Variants in SCFD2 observed in about 807,000 individuals in gnomAD.
The protein encoded by SCFD2 is sec1 family domain-containing protein 2.
Under a neutral mutation model 58.9 loss-of-function variants are expected in SCFD2, and 54 were observed. The ratio of observed to expected loss-of-function variants is 0.92; its 90% CI spans 0.74 to 1.15. The LOEUF (loss-of-function observed/expected upper bound fraction) is 1.15. SCFD2 is among the 50% of genes most tolerant of loss of function. SCFD2 has a pLI of 0.00. For synonymous variants in SCFD2, 321 were observed against 335.9 expected, an observed-to-expected ratio of 0.96 and a Z score of 0.49; for missense variants, 805 against 836.6, an observed-to-expected ratio of 0.96 and a Z score of 0.47.
intron 4 of SCFD2, among the ~76,000 whole-genome samples, chr4:53,188,464 T>TGTG (rs1577820979): frequency 7.1e-6 from 1 of 141,060 alleles, no homozygotes; most frequent in African/African-American, 2.6e-5. Flanking sequence ...TGTGTGTGTG[T>TGTG]TTAGTGGCTT....
chr4:53,348,107 TG>T (rs1429578919), intron 2 of SCFD2, among the ~76,000 whole-genome samples: 1 of 152,250 alleles, frequency 6.6e-6, no homozygotes, highest in Non-Finnish European at 1.5e-5. Flanking sequence ...AGACAAGGAC[TG>T]GAAGGCCATG....
chr4:53,366,041 C>A lies in SCFD2; in HGVS notation c.-100G>T. ...CTCCGGGAGACTTTGACAGTCTCCACAGTACACGTGGTCGGCCTCTGACAC... is the reference window on the plus strand; with the variant it reads ...CTCCGGGAGACTTTGACAGTCTCCAAAGTACACGTGGTCGGCCTCTGACAC... On this transcript the variant is annotated 5_prime_UTR_variant, in exon 1 of 9. Coordinates refer to ENST00000401642, the MANE Select transcript of SCFD2 (RefSeq NM_152540.4). 5 of 1,376,554 alleles carry A rather than the reference C, an allele frequency of 3.6e-6. No homozygotes were observed. In the South Asian group the frequency reaches 5.6e-5, roughly 16 times the overall value. The allele number at this position is 1,376,554 out of a possible 1,614,324, so 85.3% of individuals were successfully genotyped here.
chr4:52,940,296 G>A (rs1348693822), intron 5 of SCFD2, among the ~76,000 whole-genome samples: 5 of 152,174 alleles, frequency 3.3e-5, no homozygotes, highest in African/African-American at 1.2e-4. Context: ...GGCTTGTTCC[G>A]ACTACACTCA....
At position 53,365,016 on chromosome 4, in the gene SCFD2, TA is replaced by T; in HGVS notation, c.838+87del. On this transcript the variant is annotated intron_variant, in intron 1 of 8. Transcript: ENST00000401642. The surrounding 1 kb of genome is among the most constrained non-coding windows in gnomAD (Gnocchi z 4.3). ...TTTGTATCCTCAATCTAATATATAA[TA>T]AAAGGTCAATAAAATATATGCTGAA... 6.9e-7 allele frequency: 1 copy of T among 1,449,452 alleles called. No individual in the cohort carries two copies. The highest frequency in any genetic ancestry group is 2.3e-5 in the East Asian group (1 of 43,974). The allele number at this position is 1,449,452 out of a possible 1,614,324, so 89.8% of individuals were successfully genotyped here. A position where few individuals can be genotyped will look rare whatever the true frequency, so the allele number is the denominator to read the frequency against.
chr4:53,140,515 T>C (rs1726102956), intron 5 of SCFD2, among the ~76,000 whole-genome samples: 1 of 151,382 alleles, frequency 6.6e-6, no homozygotes, highest in African/African-American at 2.4e-5. Context: ...TAGATTTCAA[T>C]GGCTTGAAGT....
intron 5 of SCFD2, among the ~76,000 whole-genome samples, chr4:53,063,932 T>C (rs146951446): frequency 5.9e-4 from 90 of 152,204 alleles, no homozygotes; most frequent in African/African-American, 2.1e-3. Context: ...GGATTTACTA[T>C]CATTTGTAGC....
At chr4:53,229,468 G>A (rs998638488) in intron 4 of SCFD2, among the ~76,000 whole-genome samples, 5 of 152,020 alleles carry the variant, frequency 3.3e-5, no homozygotes, top group African/African-American at 4.8e-5. Context: ...ATAATGCCAT[G>A]TATCTACAAC....
chr4:52,920,140 T>G (rs1418903597), intron 6 of SCFD2, among the ~76,000 whole-genome samples: 2 of 152,184 alleles, frequency 1.3e-5, no homozygotes, highest in Non-Finnish European at 2.9e-5. Context: ...TTCTATGTAC[T>G]TTCCCCCTCT....
chr4:53,044,916 C>CCCCCCCCCCCCCCGCCA (rs59844812), intron 5 of SCFD2, among the ~76,000 whole-genome samples: 1 of 110,288 alleles, frequency 9.1e-6, no homozygotes, highest in African/African-American at 5.9e-5. Context: ...ACCCCCCCCC[C>CCCCCCCCCCCCCCGCCA]CCGCCCACAA....
At chr4:53,064,625 G>C (rs1723606132) in intron 5 of SCFD2, among the ~76,000 whole-genome samples, 3 of 152,134 alleles carry the variant, frequency 2.0e-5, no homozygotes, top group African/African-American at 7.2e-5. Context: ...AGACATAGTG[G>C]TTGAGGGGAA....
At chr4:53,305,365 A>G (rs1732480601) in intron 3 of SCFD2, among the ~76,000 whole-genome samples, 1 of 152,040 alleles carries the variant, frequency 6.6e-6, no homozygotes, top group Non-Finnish European at 1.5e-5. Flanking sequence ...TTGTATGTGG[A>G]CATCCAATTT....
intron 4 of SCFD2, among the ~76,000 whole-genome samples, chr4:53,248,013 G>A (rs1000112571): frequency 1.3e-5 from 2 of 152,210 alleles, no homozygotes; most frequent in South Asian, 4.1e-4. Context: ...CTGAGGTACT[G>A]GGTTCATCTC....
intron 6 of SCFD2, 143 bp from the exon 7 acceptor site, chr4:52,907,734 G>A (rs1042764199): frequency 1.4e-5 from 10 of 700,308 alleles, no homozygotes; most frequent in African/African-American, 5.4e-5. Context: ...GTGTGTGTGT[G>A]TGTGTGTGTC....
intron 2 of SCFD2, among the ~76,000 whole-genome samples, chr4:53,325,902 C>A (rs1416873360): frequency 2.6e-5 from 4 of 151,722 alleles, no homozygotes; most frequent in African/African-American, 4.8e-5. Flanking sequence ...CAAAATCAAA[C>A]CTGAAGGAAC....
chr4:53,281,426 CA>C (rs1037150571), intron 3 of SCFD2, among the ~76,000 whole-genome samples: 7 of 152,034 alleles, frequency 4.6e-5, no homozygotes, highest in Non-Finnish European at 4.4e-5. Context: ...GATATATAGA[CA>C]GGGGTGGCAA....
intron 4 of SCFD2, among the ~76,000 whole-genome samples, chr4:53,265,058 T>C (rs1730942337): frequency 1.3e-5 from 2 of 152,192 alleles, no homozygotes; most frequent in Non-Finnish European, 2.9e-5. Context: ...ATAAAGTATA[T>C]GTTTAGGAAG....
intron 2 of SCFD2, among the ~76,000 whole-genome samples, chr4:53,324,116 A>G (rs1463575765): frequency 6.6e-6 from 1 of 152,138 alleles, no homozygotes; most frequent in Non-Finnish European, 1.5e-5. Flanking sequence ...CTTCGATACT[A>G]TTTAAAAATG....
intron 5 of SCFD2, among the ~76,000 whole-genome samples, chr4:53,062,881 T>C (rs17082362): frequency 0.74 from 112,639 of 152,000 alleles, 41,840 homozygotes; most frequent in Middle Eastern, 0.87. Flanking sequence ...AGGGATTTAG[T>C]CTCTTGAGTA....
chr4:52,987,695 C>A (rs1012561069), intron 5 of SCFD2, among the ~76,000 whole-genome samples: 4 of 152,184 alleles, frequency 2.6e-5, no homozygotes, highest in African/African-American at 9.7e-5. Flanking sequence ...AGTAGTATCT[C>A]TGTTCAGATT....
Sources: allele counts gnomAD v4.1 joint callset (sites outside exome capture counted in the v4.1 genomes callset), GRCh38; gene constraint gnomAD v4.1.1; non-coding constraint Gnocchi (gnomAD v3.1); transcripts MANE v1.5; gene names NCBI Gene and HGNC (gene_info 2026-07-23, HGNC 2026-07-21).